The following AGBL1 variants were observed in gnomAD, a reference collection of about 807,000 sequenced individuals.
The protein encoded by AGBL1 is AGBL carboxypeptidase 1.
AGBL1 carries 130 observed loss-of-function variants against 118.9 expected under a neutral mutation model. The ratio of observed to expected loss-of-function variants is 1.09; its 90% CI spans 0.95 to 1.26. The LOEUF is 1.26. AGBL1 is among the 50% of genes most tolerant of loss of function. The pLI is 0.00. For missense variants in AGBL1, 1,584 were observed against 1,298.1 expected (o/e 1.22, Z -3.38); for synonymous variants, 555 against 478.9 (o/e 1.16, Z -2.08).
intron 22 of AGBL1, among the ~76,000 whole-genome samples, chr15:86,693,099 G>A (rs2086200291): frequency 6.6e-6 from 1 of 151,966 alleles, no homozygotes; most frequent in African/African-American, 2.4e-5. Context: ...TTCGTATAAT[G>A]ACTTCTTTTC....
intron 23 of AGBL1, among the ~76,000 whole-genome samples, chr15:86,972,953 T>G (rs75264234): frequency 0.017 from 2,637 of 152,112 alleles, 38 homozygotes; most frequent in Non-Finnish European, 0.027. Context: ...ATTATAATCT[T>G]GGTATAAGCA....
chr15:86,611,289 A>G (rs2084650169), intron 21 of AGBL1, among the ~76,000 whole-genome samples: 1 of 152,226 alleles, frequency 6.6e-6, no homozygotes. Flanking sequence ...TTTATTGTCT[A>G]AAGAGTGTCA....
At chr15:87,025,632 A>G (rs8034002) in intron 24 of AGBL1, among the ~76,000 whole-genome samples, 6,180 of 152,116 alleles carry the variant, frequency 0.041, 410 homozygotes, top group African/African-American at 0.14. Flanking sequence ...CATTCTTCAC[A>G]CAATTAGAAA....
chr15:86,139,385 C>T (rs2076931225), intron 1 of AGBL1, among the ~76,000 whole-genome samples: 1 of 152,122 alleles, frequency 6.6e-6, no homozygotes, highest in Non-Finnish European at 1.5e-5. Flanking sequence ...TGGCACCACC[C>T]CGGGATTCTC....
At chr15:86,659,921 AG>A (rs2085513379) in intron 21 of AGBL1, among the ~76,000 whole-genome samples, 1 of 152,080 alleles carries the variant, frequency 6.6e-6, no homozygotes, top group South Asian at 2.1e-4. Flanking sequence ...GACAGTGCTC[AG>A]GTCTGTTCCT....
At chr15:86,347,131 G>A (rs775601392) in intron 17 of AGBL1, among the ~76,000 whole-genome samples, 1 of 152,216 alleles carries the variant, frequency 6.6e-6, no homozygotes, top group Non-Finnish European at 1.5e-5. Context: ...TAATGAGGCA[G>A]ACTTGCTTTC....
chr15:86,940,110 T>C (rs943796431), intron 23 of AGBL1, among the ~76,000 whole-genome samples: 2 of 139,396 alleles, frequency 1.4e-5, no homozygotes, highest in Non-Finnish European at 3.1e-5. Context: ...GGTTTCTCTG[T>C]GTTGCTCAGC....
intron 5 of AGBL1, among the ~76,000 whole-genome samples, chr15:86,166,563 C>G (rs2077344776): frequency 6.6e-6 from 1 of 152,298 alleles, no homozygotes; most frequent in African/African-American, 2.4e-5. Context: ...CAGGGGGGCT[C>G]TAGTCCCTGT....
chr15:86,234,550 CAAAAAAAAAAA>C (rs397854519), intron 6 of AGBL1, among the ~76,000 whole-genome samples: 3 of 76,322 alleles, frequency 3.9e-5, no homozygotes, highest in African/African-American at 1.5e-4. Context: ...GACTCTATCT[CAAAAAAAAAAA>C]AAAAAAAAAA....
Position 86,476,126 on chromosome 15 carries a change from G to A in AGBL1, c.2556-46684G>A, listed in dbSNP as rs534663027. Among the ~76,000 whole-genome samples, 8 of 152,276 alleles carry A rather than the reference G, an allele frequency of 5.3e-5. No individual in the cohort carries two copies. In the East Asian group the frequency reaches 5.8e-4, roughly 11 times the overall value. ...AACCAGTACCAGCCACTGCAAAAAC[G>A]TGCTAAATTGTAAAGACCATCGATG... is the stretch of plus-strand genomic sequence containing the variant. On this transcript the variant is annotated intron_variant, in intron 18 of 22. Transcript: ENST00000614907.
chr15:86,834,219 G>A (rs565155236), intron 22 of AGBL1, among the ~76,000 whole-genome samples: 13 of 152,044 alleles, frequency 8.6e-5, no homozygotes, highest in Non-Finnish European at 1.0e-4. Flanking sequence ...CAGCAACCAC[G>A]GTATCCCAAT....
At chr15:86,211,722 C>T (rs963691225) in intron 5 of AGBL1, among the ~76,000 whole-genome samples, 13 of 152,222 alleles carry the variant, frequency 8.5e-5, no homozygotes, top group East Asian at 3.9e-4. Flanking sequence ...TGGGAGCGTC[C>T]GAATTTTCCA....
Position 86,582,966 on chromosome 15 carries a change from C to A in AGBL1, c.2994+28429C>A, listed in dbSNP as rs141138440. 4.1e-3 allele frequency among the ~76,000 whole-genome samples: 619 copies of A among 151,922 alleles called. 1 individual carries two copies. Among genetic ancestry groups the A allele is most frequent in the Non-Finnish European group, 5.9e-3 (404 of 67,956 alleles). The stretch of plus-strand genomic sequence containing the variant: ...ACATGGCACATGTATACATAAGTAA[C>A]AAACCTGCACATTGTGCACACATAC... On this transcript the variant is annotated intron_variant, in intron 21 of 22. Coordinates refer to ENST00000614907, the MANE Select transcript of AGBL1 (RefSeq NM_001386094.1).
chr15:86,955,456 G>T (rs967149873), intron 23 of AGBL1, among the ~76,000 whole-genome samples: 5 of 151,782 alleles, frequency 3.3e-5, no homozygotes, highest in African/African-American at 7.2e-5. Context: ...GGAAGAAATA[G>T]AAATGAGTAA....
chr15:86,892,876 C>T (rs768165121), intron 22 of AGBL1, among the ~76,000 whole-genome samples: 3 of 152,034 alleles, frequency 2.0e-5, no homozygotes, highest in Non-Finnish European at 2.9e-5. Context: ...CTAACTGTCC[C>T]GGGTGATGAT....
At chr15:86,650,656 C>T (rs1375786607) in intron 21 of AGBL1, among the ~76,000 whole-genome samples, 1 of 151,838 alleles carries the variant, frequency 6.6e-6, no homozygotes, top group African/African-American at 2.4e-5. Flanking sequence ...GAAAAAAAAC[C>T]CTGAATTTAA....
At chr15:86,127,049 T>A (rs1303786031) in intron 1 of AGBL1, among the ~76,000 whole-genome samples, 3 of 152,242 alleles carry the variant, frequency 2.0e-5, no homozygotes, top group Middle Eastern at 3.4e-3. Context: ...ACAGACAGGA[T>A]GGGTAATCTC....
intron 1 of AGBL1, among the ~76,000 whole-genome samples, chr15:86,120,281 C>T (rs1427739521): frequency 6.6e-6 from 1 of 152,162 alleles, no homozygotes; most frequent in Non-Finnish European, 1.5e-5. Flanking sequence ...AGTATTCTCT[C>T]CCCAGCCTTG....
At chr15:86,497,930 C>G (rs533244627) in intron 18 of AGBL1, among the ~76,000 whole-genome samples, 1 of 151,992 alleles carries the variant, frequency 6.6e-6, no homozygotes, top group South Asian at 2.1e-4. Flanking sequence ...TGTTATCATC[C>G]TCCTTTGCTA....
Sources: gnomAD v4.1 joint callset for allele counts (sites outside exome capture counted in the v4.1 genomes callset) on GRCh38, gnomAD v4.1.1 for gene constraint, MANE v1.5 for transcripts, NCBI Gene and HGNC (gene_info 2026-07-23, HGNC 2026-07-21) for gene names.